Variants in LINGO2 observed in about 807,000 individuals in gnomAD.
LINGO2 encodes the protein leucine-rich repeat and immunoglobulin-like domain-containing nogo receptor-interacting protein 2.
Under a neutral mutation model 30.6 loss-of-function variants are expected in LINGO2, and 14 were observed. That is an observed-to-expected ratio of 0.46 (90% CI 0.30 to 0.72). The LOEUF is 0.72. Ranked by LOEUF, LINGO2 falls within the 30% of genes least tolerant of loss-of-function variation. The pLI, the probability that LINGO2 is intolerant of heterozygous loss-of-function variation, is 0.07. For missense variants in LINGO2, 729 were observed against 751.7 expected (o/e 0.97, Z 0.35); for synonymous variants, 317 against 288.5 (o/e 1.10, Z -1.00).
chr9:28,157,083 A>T (rs1389974567), intron 4 of LINGO2, among the ~76,000 whole-genome samples: 2 of 152,284 alleles, frequency 1.3e-5, no homozygotes, highest in South Asian at 2.1e-4. Context: ...GTGGTGCCCC[A>T]ATAGGGAATC....
intron 1 of LINGO2, among the ~76,000 whole-genome samples, chr9:28,558,073 C>A (rs1446510378): frequency 6.6e-6 from 1 of 150,430 alleles, no homozygotes; most frequent in Non-Finnish European, 1.5e-5. Context: ...GTGCAGCACA[C>A]CAGCATGGCA....
intron 4 of LINGO2, among the ~76,000 whole-genome samples, chr9:28,024,380 G>A (rs1348285330): frequency 6.6e-6 from 1 of 152,146 alleles, no homozygotes; most frequent in African/African-American, 2.4e-5. Context: ...GGTTGCACAA[G>A]GGAGGTTGAA....
At chr9:28,613,702 T>C (rs1379181812) in intron 1 of LINGO2, among the ~76,000 whole-genome samples, 2 of 152,120 alleles carry the variant, frequency 1.3e-5, no homozygotes, top group Non-Finnish European at 2.9e-5. Context: ...CATAAAGTAG[T>C]ATAAGAACTA....
At chr9:28,967,160 T>C in the LINGO2 span, among the ~76,000 whole-genome samples, 41 of 152,212 alleles carry the variant, frequency 2.7e-4, no homozygotes, top group African/African-American at 9.9e-4. Context: ...TAGAGCTGAG[T>C]CCTACTTGCC....
chr9:28,442,306 A>G (rs1366283631), intron 2 of LINGO2, among the ~76,000 whole-genome samples: 2 of 152,216 alleles, frequency 1.3e-5, no homozygotes, highest in East Asian at 3.9e-4. Context: ...CCACCAAGAC[A>G]TAACCACTTT....
chr9:28,222,530 A>T (rs973760931), intron 4 of LINGO2, among the ~76,000 whole-genome samples: 2 of 94,656 alleles, frequency 2.1e-5, no homozygotes, highest in Admixed American at 9.4e-5. Flanking sequence ...GGCAAAATTT[A>T]AAAAAAAAAA....
At chr9:28,988,617 C>A in the LINGO2 span, among the ~76,000 whole-genome samples, 77 of 152,298 alleles carry the variant, frequency 5.1e-4, no homozygotes, top group Admixed American at 2.2e-3. Flanking sequence ...CCCAGGTGAT[C>A]TAGCCATACA....
intron 3 of LINGO2, among the ~76,000 whole-genome samples, chr9:28,351,576 G>C (rs1242347883): frequency 7.1e-6 from 1 of 140,220 alleles, no homozygotes; most frequent in Admixed American, 7.2e-5. Flanking sequence ...GAGGTACAAG[G>C]AGGAACTGGT....
intron 2 of LINGO2, among the ~76,000 whole-genome samples, chr9:28,391,604 C>CGTGTGT (rs35676869): frequency 0.031 from 4,547 of 147,812 alleles, 227 homozygotes; most frequent in African/African-American, 0.11. Flanking sequence ...TTTATGTTTG[C>CGTGTGT]GTGTGTGTGT....
intron 2 of LINGO2, among the ~76,000 whole-genome samples, chr9:28,377,254 C>T (rs904181412): frequency 3.3e-5 from 5 of 152,168 alleles, no homozygotes; most frequent in Non-Finnish European, 7.3e-5. Flanking sequence ...AACCCCTCCT[C>T]TTCCTCTGCC....
At chr9:28,713,427 T>C in the LINGO2 span, among the ~76,000 whole-genome samples, 3 of 152,146 alleles carry the variant, frequency 2.0e-5, no homozygotes, top group African/African-American at 7.2e-5. Context: ...CCAGCTTCTC[T>C]TGCAGTTAGT....
chr9:29,047,427 C>T, the LINGO2 span, among the ~76,000 whole-genome samples: 1 of 152,098 alleles, frequency 6.6e-6, no homozygotes, highest in African/African-American at 2.4e-5. Flanking sequence ...AATGCTAATA[C>T]ATTGTTGGTG....
chr9:28,960,699 T>C, the LINGO2 span, among the ~76,000 whole-genome samples: 1 of 149,552 alleles, frequency 6.7e-6, no homozygotes, highest in Admixed American at 6.8e-5. Context: ...AAATTATTTC[T>C]AAAAATAAAT....
chr9:28,915,153 T>C, the LINGO2 span, among the ~76,000 whole-genome samples: 1 of 151,772 alleles, frequency 6.6e-6, no homozygotes, highest in Non-Finnish European at 1.5e-5. Flanking sequence ...AAAAAATAAA[T>C]AAATAAAAAT....
At chr9:28,262,480 G>T (rs1339961585) in intron 4 of LINGO2, among the ~76,000 whole-genome samples, 1 of 151,686 alleles carries the variant, frequency 6.6e-6, no homozygotes, top group East Asian at 1.9e-4. Context: ...AGATTAGTGG[G>T]GTATTCTTCA....
At chr9:28,768,601 TAGACAGAC>T in the LINGO2 span, among the ~76,000 whole-genome samples, 8 of 140,194 alleles carry the variant, frequency 5.7e-5, no homozygotes, top group Non-Finnish European at 1.2e-4. Flanking sequence ...ACCTGTTTAG[TAGACAGAC>T]TGGGACACAC....
chr9:28,017,563 A>G (rs1008111454), intron 4 of LINGO2, among the ~76,000 whole-genome samples: 1 of 152,172 alleles, frequency 6.6e-6, no homozygotes, highest in Non-Finnish European at 1.5e-5. Context: ...GTACTTCTAT[A>G]TATCGGCAAC....
chr9:28,249,942 T>C (rs1196363559), intron 4 of LINGO2, among the ~76,000 whole-genome samples: 1 of 152,188 alleles, frequency 6.6e-6, no homozygotes, highest in Non-Finnish European at 1.5e-5. Context: ...AACAAAAGTG[T>C]TGCAAATATT....
chr9:29,190,597 T>C, the LINGO2 span, among the ~76,000 whole-genome samples: 1 of 152,254 alleles, frequency 6.6e-6, no homozygotes, highest in East Asian at 1.9e-4. Flanking sequence ...AAATAAAATA[T>C]GGCAACAAGG....
Sources: gnomAD v4.1 joint callset for allele counts (sites outside exome capture counted in the v4.1 genomes callset) on GRCh38, gnomAD v4.1.1 for gene constraint, MANE v1.5 for transcripts, NCBI Gene and HGNC (gene_info 2026-07-23, HGNC 2026-07-21) for gene names.